PID1: variants seen among roughly 807,000 people sequenced by gnomAD.
The protein encoded by PID1 is PTB-containing, cubilin and LRP1-interacting protein.
Under a neutral mutation model 19.1 loss-of-function variants are expected in PID1, and 10 were observed. The observed-to-expected ratio is 0.52, with a 90% CI of 0.32 to 0.89. PID1 has a LOEUF of 0.89. Among genes scored for constraint, PID1 ranks in the 40% least tolerant of loss-of-function variants. The pLI, the probability that PID1 is intolerant of heterozygous loss-of-function variation, is 0.03. For missense variants in PID1, 248 were observed against 285.3 expected (o/e 0.87, Z 0.94); for synonymous variants, 130 against 116.0 (o/e 1.12, Z -0.78).
At chr2:229,065,712 CAAAAAAAA>C (rs71988256) in intron 2 of PID1, among the ~76,000 whole-genome samples, 1 of 103,962 alleles carries the variant, frequency 9.6e-6, no homozygotes, top group African/African-American at 4.0e-5. Flanking sequence ...TTGTGATTTA[CAAAAAAAA>C]AAAAAAAAAA....
intron 2 of PID1, among the ~76,000 whole-genome samples, chr2:229,069,143 T>TTTTTTGTG (rs369977117): frequency 1.8e-3 from 256 of 140,704 alleles, no homozygotes; most frequent in African/African-American, 6.3e-3. Flanking sequence ...AGAAGGGTTT[T>TTTTTTGTG]TGTGTGTGTG....
At chr2:229,179,126 A>AAT (rs1690886651) in intron 1 of PID1, among the ~76,000 whole-genome samples, 1 of 151,956 alleles carries the variant, frequency 6.6e-6, no homozygotes, top group East Asian at 1.9e-4. Context: ...AACAAATCTT[A>AAT]CCCCTCATGA....
chr2:229,251,390 T>A (rs1690146142), intron 1 of PID1, among the ~76,000 whole-genome samples: 1 of 152,132 alleles, frequency 6.6e-6, no homozygotes, highest in Non-Finnish European at 1.5e-5. Context: ...GAATTACTAA[T>A]CAATACTAAA....
chr2:229,028,503 G>A (rs1291530546), intron 2 of PID1, among the ~76,000 whole-genome samples: 1 of 152,140 alleles, frequency 6.6e-6, no homozygotes, highest in Non-Finnish European at 1.5e-5. Context: ...CCCATCCAAT[G>A]GGAGAAAATA....
At chr2:229,206,256 CAA>C (rs112203989) in intron 1 of PID1, among the ~76,000 whole-genome samples, 11 of 131,282 alleles carry the variant, frequency 8.4e-5, no homozygotes, top group African/African-American at 2.6e-4. Context: ...AGTATAAGTA[CAA>C]AAAAAAAAAA....
At chr2:229,094,865 AAAAC>A (rs1186361141) in intron 2 of PID1, among the ~76,000 whole-genome samples, 3 of 152,184 alleles carry the variant, frequency 2.0e-5, no homozygotes, top group East Asian at 1.9e-4. Context: ...GCAAGAAAAA[AAAAC>A]AAACAAAAGA....
chr2:229,156,413 T>C (rs1319717387), intron 1 of PID1, among the ~76,000 whole-genome samples: 1 of 152,216 alleles, frequency 6.6e-6, no homozygotes, highest in African/African-American at 2.4e-5. Flanking sequence ...TCCTGAGCTC[T>C]TTCATGCACT....
chr2:229,185,066 A>ATATATATCC (rs1491498037), intron 1 of PID1, among the ~76,000 whole-genome samples: 4 of 4,822 alleles, frequency 8.3e-4, no homozygotes, highest in Admixed American at 5.2e-3. Context: ...TATATCCTCC[A>ATATATATCC]TATATATATA....
At chr2:229,187,877 T>C (rs1691169330) in intron 1 of PID1, among the ~76,000 whole-genome samples, 1 of 152,206 alleles carries the variant, frequency 6.6e-6, no homozygotes, top group Admixed American at 6.5e-5. Context: ...GTATCCCTTT[T>C]GCCCCTCTCT....
At chr2:229,106,077 C>CAAAAA (rs10664324) in intron 2 of PID1, among the ~76,000 whole-genome samples, 2,209 of 122,024 alleles carry the variant, frequency 0.018, 102 homozygotes, top group African/African-American at 0.058. Flanking sequence ...GAGATTCCGT[C>CAAAAA]AAAAAAAAAA....
intron 1 of PID1, among the ~76,000 whole-genome samples, chr2:229,249,410 TAA>T (rs1185280518): frequency 2.0e-5 from 3 of 152,122 alleles, no homozygotes; most frequent in Admixed American, 6.5e-5. Flanking sequence ...CCACAGAAAT[TAA>T]GAGAGATGAC....
chr2:229,068,256 C>A (rs77614403), intron 2 of PID1, among the ~76,000 whole-genome samples: 5,751 of 152,118 alleles, frequency 0.038, 157 homozygotes, highest in Middle Eastern at 0.082. Context: ...CTCAGGGTGG[C>A]CTGGTGTGTT....
At chr2:229,106,824 G>A (rs1328080757) in intron 2 of PID1, among the ~76,000 whole-genome samples, 2 of 152,158 alleles carry the variant, frequency 1.3e-5, no homozygotes, top group African/African-American at 4.8e-5. Flanking sequence ...ATCCATTATG[G>A]ATTCAAGGAA....
chr2:229,264,297 G>A (rs552697057), intron 1 of PID1, among the ~76,000 whole-genome samples: 62 of 152,244 alleles, frequency 4.1e-4, no homozygotes, highest in African/African-American at 1.4e-3. Flanking sequence ...ACTTCAGCAC[G>A]ACTTCCCTTA....
rs537440090 is a variant in PID1, at chr2:229,068,421, C to T, written c.178-42313G>A. 1.1e-4 allele frequency among the ~76,000 whole-genome samples: 16 copies of T among 142,418 alleles called. No individual in the cohort carries two copies. In the South Asian group the frequency reaches 3.2e-3, roughly 28 times the overall value. 93.4% of individuals were successfully genotyped at this position (142,418 alleles called of 152,430 possible). The stretch of plus-strand genomic sequence containing the variant: ...ACAAAAGTAGACTGTCCGGGTGTAA[C>T]GAATACTGCAGTTTGTCTTCAACAA... On this transcript the variant is annotated intron_variant, in intron 2 of 2. Coordinates refer to ENST00000392055, the MANE Select transcript of PID1 (RefSeq NM_001100818.2).
At chr2:229,028,206 T>C (rs77634455) in intron 2 of PID1, among the ~76,000 whole-genome samples, 1,802 of 152,348 alleles carry the variant, frequency 0.012, 32 homozygotes, top group African/African-American at 0.041. Flanking sequence ...AATACTTGCA[T>C]ATACATAATG....
intron 1 of PID1, among the ~76,000 whole-genome samples, chr2:229,197,073 C>T (rs1007287144): frequency 6.6e-6 from 1 of 151,980 alleles, no homozygotes; most frequent in African/African-American, 2.4e-5. Flanking sequence ...CAAGCATGCC[C>T]TTTTATGCCC....
Position 229,025,810 on chromosome 2 carries a change from G to T in PID1, c.476C>A (p.Ser159Tyr). Residue 159 changes from serine to tyrosine, a missense_variant, in exon 3 of 3, where the codon TCC becomes TAC. Coordinates refer to ENST00000392055, the MANE Select transcript of PID1 (RefSeq NM_001100818.2). Reference protein sequence around the residue: ...WVYREINDDLSYQMDCHAVEC... With the variant: ...WVYREINDDLYYQMDCHAVEC... Reference sequence around the variant, plus strand: ...CACGGCGTGGCAGTCCATCTGGTAGGACAGGTCATCATTGATCTCCCTGTA... The same window carrying T: ...CACGGCGTGGCAGTCCATCTGGTAGTACAGGTCATCATTGATCTCCCTGTA... 6.2e-7 allele frequency: 1 copy of T among 1,614,212 alleles called. No homozygotes were observed. Among genetic ancestry groups the T allele is most frequent in the Non-Finnish European group, 8.5e-7 (1 of 1,180,044 alleles).
At chr2:229,087,689 C>T (rs1349106797) in intron 2 of PID1, among the ~76,000 whole-genome samples, 1 of 152,184 alleles carries the variant, frequency 6.6e-6, no homozygotes, top group Admixed American at 6.5e-5. Context: ...CATGATACAA[C>T]ACACACAAGC....
Sources: allele counts gnomAD v4.1 joint callset (sites outside exome capture counted in the v4.1 genomes callset), GRCh38; gene constraint gnomAD v4.1.1; transcripts MANE v1.5; gene names NCBI Gene and HGNC (gene_info 2026-07-23, HGNC 2026-07-21).